Variants in SYTL5 observed in about 807,000 individuals in gnomAD.
SYTL5 encodes the protein synaptotagmin like 5, also known as synaptotagmin-like protein 5.
A neutral mutation model predicts 55.9 loss-of-function variants in SYTL5; 34 were observed. That is an observed-to-expected ratio of 0.61 (90% CI 0.46 to 0.81). SYTL5 has a LOEUF of 0.81. Among genes scored for constraint, SYTL5 ranks in the 30% least tolerant of loss-of-function variants. The pLI, the probability that SYTL5 is intolerant of heterozygous loss-of-function variation, is 0.00. For missense variants in SYTL5, 637 were observed against 546.7 expected, an observed-to-expected ratio of 1.17 and a Z score of -1.65; for synonymous variants, 221 against 188.7, an observed-to-expected ratio of 1.17 and a Z score of -1.40.
intron 6 of SYTL5, among the ~76,000 whole-genome samples, chrX:38,084,078 C>T (rs887954999): frequency 9.0e-6 from 1 of 111,513 alleles, no homozygotes; most frequent in Non-Finnish European, 1.9e-5. Flanking sequence ...CAAGAAAAGT[C>T]TGAACAGACA....
the SYTL5 span, among the ~76,000 whole-genome samples, chrX:37,934,146 T>C: frequency 1.8e-5 from 2 of 111,222 alleles, no homozygotes; most frequent in Non-Finnish European, 3.8e-5. Context: ...AAATGTCCAC[T>C]TTTAAATTAC....
chrX:37,938,473 C>T, the SYTL5 span, among the ~76,000 whole-genome samples: 2 of 112,188 alleles, frequency 1.8e-5, no homozygotes, highest in African/African-American at 6.5e-5. Context: ...CCTTGTTGTT[C>T]ATAAAGTCAC....
intron 2 of SYTL5, among the ~76,000 whole-genome samples, chrX:38,040,478 A>G (rs1175412638): frequency 3.3e-5 from 3 of 91,120 alleles, no homozygotes; most frequent in Non-Finnish European, 4.3e-5. Context: ...CGAGCCCCAC[A>G]CTACCCTTTC....
chrX:37,913,594 C>T, the SYTL5 span, among the ~76,000 whole-genome samples: 1 of 112,276 alleles, frequency 8.9e-6, no homozygotes, highest in African/African-American at 3.2e-5. Context: ...TGTTGGAACA[C>T]TCTTGTACCC....
chrX:38,036,178 C>T (rs979024988), intron 2 of SYTL5, among the ~76,000 whole-genome samples: 42 of 109,553 alleles, frequency 3.8e-4, no homozygotes, highest in African/African-American at 1.2e-3. Flanking sequence ...CAGTGGTGTG[C>T]GCCTGTAATC....
intron 13 of SYTL5, among the ~76,000 whole-genome samples, chrX:38,118,976 C>T (rs143096920): frequency 1.5e-3 from 136 of 88,908 alleles, no homozygotes; most frequent in African/African-American, 5.7e-3. Context: ...TATATATGTA[C>T]GCATATACAT....
chrX:38,028,940 A>T (rs1934867286), intron 1 of SYTL5, among the ~76,000 whole-genome samples: 1 of 111,983 alleles, frequency 8.9e-6, no homozygotes, highest in Admixed American at 9.5e-5. Flanking sequence ...TATGATTTTT[A>T]TACCAAATAA....
chrX:37,990,854 G>A, the SYTL5 span: 1 of 1,201,148 alleles, frequency 8.3e-7, no homozygotes, highest in Non-Finnish European at 1.1e-6. Context: ...CAGAGAAAAA[G>A]AACTGTAAGA....
At chrX:37,948,688 G>A in the SYTL5 span, among the ~76,000 whole-genome samples, 1 of 111,027 alleles carries the variant, frequency 9.0e-6, no homozygotes, top group South Asian at 3.8e-4. Context: ...TGAGATCATG[G>A]ATGTTTGCCT....
rs142913086 is a variant in SYTL5, at chrX:38,126,715, A to G, written c.2178A>G (p.Gly726=). ...EGVLMLRSSM[G]KCRL is the part of the protein sequence containing the mutation. ...TACTCATGCTTCGTTCCAGCATGGG[A>G]AAATGTAGGCTCTAAAGGGACCAGT... Residue 726 remains glycine, a synonymous_variant, in exon 17 of 17, where the codon GGA becomes GGG. Transcript: ENST00000297875. 15 of 1,207,176 alleles carry G rather than the reference A, an allele frequency of 1.2e-5. No homozygotes were observed. The highest frequency in any genetic ancestry group is 1.7e-5 in the Non-Finnish European group (15 of 894,080).
the SYTL5 span, among the ~76,000 whole-genome samples, chrX:37,907,671 G>GA: frequency 2.6e-4 from 29 of 110,885 alleles, no homozygotes; most frequent in Admixed American, 2.0e-3. Flanking sequence ...AAGGTCTGTT[G>GA]AAAAAAAATG....
chrX:38,065,138 G>A (rs906110755), intron 3 of SYTL5, among the ~76,000 whole-genome samples: 9 of 111,267 alleles, frequency 8.1e-5, no homozygotes, highest in African/African-American at 2.6e-4. Flanking sequence ...AAGAAACTTG[G>A]TATTCTTGAA....
intron 3 of SYTL5, among the ~76,000 whole-genome samples, chrX:38,067,184 G>A (rs1406630040): frequency 9.0e-6 from 1 of 111,237 alleles, no homozygotes; most frequent in South Asian, 3.8e-4. Flanking sequence ...ATTCTCCAAG[G>A]GTAGCAAGAG....
chrX:37,899,636 C>G, the SYTL5 span, among the ~76,000 whole-genome samples: 1 of 112,015 alleles, frequency 8.9e-6, no homozygotes, highest in Non-Finnish European at 1.9e-5. Flanking sequence ...TCCTCTCTCC[C>G]TATTTCATTT....
At chrX:38,014,583 C>A (rs1439875917) in intron 1 of SYTL5, among the ~76,000 whole-genome samples, 3 of 111,657 alleles carry the variant, frequency 2.7e-5, no homozygotes, top group Non-Finnish European at 3.8e-5. Context: ...TGGGACACAG[C>A]TTGGTTTTAT....
the SYTL5 span, among the ~76,000 whole-genome samples, chrX:37,891,472 G>A: frequency 9.0e-6 from 1 of 111,608 alleles, no homozygotes; most frequent in Non-Finnish European, 1.9e-5. Context: ...TAAGGCTGGA[G>A]GATTGGAAAA....
At chrX:38,091,275 A>G (rs1266185612) in intron 7 of SYTL5, among the ~76,000 whole-genome samples, 1 of 112,135 alleles carries the variant, frequency 8.9e-6, no homozygotes, top group Non-Finnish European at 1.9e-5. Context: ...AGACTGAAAA[A>G]CAGTAATAGA....
chrX:37,966,964 T>C, the SYTL5 span, among the ~76,000 whole-genome samples: 1 of 112,041 alleles, frequency 8.9e-6, no homozygotes, highest in Non-Finnish European at 1.9e-5. Context: ...GTTAATGAAC[T>C]CCTGAAGCTT....
chrX:37,893,529 C>A, the SYTL5 span, among the ~76,000 whole-genome samples: 14,250 of 82,755 alleles, frequency 0.17, 2,894 homozygotes, highest in African/African-American at 0.57. Flanking sequence ...TATAATCTAT[C>A]TATAGATAAT....
Sources: gnomAD v4.1 joint callset for allele counts (sites outside exome capture counted in the v4.1 genomes callset) on GRCh38, gnomAD v4.1.1 for gene constraint, MANE v1.5 for transcripts, NCBI Gene and HGNC (gene_info 2026-07-23, HGNC 2026-07-21) for gene names.